SRSF4: variants seen among roughly 807,000 people sequenced by gnomAD.
SRSF4 encodes the protein serine and arginine rich splicing factor 4.
In SRSF4, 12 loss-of-function variants were observed where a neutral mutation model predicts 48.8. The ratio of observed to expected loss-of-function variants is 0.25; its 90% confidence interval spans 0.16 to 0.40. The LOEUF (loss-of-function observed/expected upper bound fraction) is 0.40, where lower values mean the gene tolerates loss of function less well. Ranked by LOEUF, SRSF4 falls within the 10% of genes least tolerant of loss-of-function variation. The pLI, the probability that SRSF4 is intolerant of heterozygous loss-of-function variation, is 1.00. For synonymous variants in SRSF4, 248 were observed against 232.5 expected (o/e 1.07, Z -0.61); for missense variants, 466 against 667.1 (o/e 0.70, Z 3.32).
chr1:29,150,444 A>G (rs1250752497), intron 4 of SRSF4, among the ~76,000 whole-genome samples: 1 of 152,044 alleles, frequency 6.6e-6, no homozygotes, highest in Non-Finnish European at 1.5e-5. Flanking sequence ...TTGTATTTTT[A>G]GTAGAGACGG....
In SRSF4 at chr1:29,158,850, G is replaced by A. The variant is rs935784110; in HGVS notation, c.363+524C>T. On this transcript the variant is annotated intron_variant, in intron 3 of 5. Transcript: ENST00000373795. ...AACAAAACAAAATCAGGCCGGGCGC[G>A]GTGGCTCACGCCTGTAATCCCAGCA... Among the ~76,000 whole-genome samples the A allele has an allele frequency of 3.3e-5, 5 of 151,888 alleles. 1 individual carries two copies. The highest frequency in any genetic ancestry group is 4.2e-4 in the South Asian group (2 of 4,796).
intron 1 of SRSF4, among the ~76,000 whole-genome samples, chr1:29,164,341 C>T (rs1400835339): frequency 1.3e-5 from 2 of 152,236 alleles, no homozygotes; most frequent in Non-Finnish European, 2.9e-5. Flanking sequence ...AAGTAAAGCT[C>T]TTCCTGGTAA....
At chr1:29,154,606 A>T in intron 4 of SRSF4, 90 bp downstream of exon 4, 1 of 1,249,408 alleles carries the variant, frequency 8.0e-7, no homozygotes, top group Non-Finnish European at 1.1e-6. Flanking sequence ...CATGTTATTA[A>T]GAACTCAACA....
chr1:29,181,832 C>CGGCGGCGGCGGCAACGGGCG lies in SRSF4; in HGVS notation c.-100_-81dup. ...GGGCAAAGCGAGAGCACGGCGGCAGCGGCGGCGGCGGCAACGGGCGGGCGG... is the reference window on the plus strand; with the variant it reads ...GGGCAAAGCGAGAGCACGGCGGCAGCGGCGGCGGCGGCAACGGGCGGGCGGCGGCGGCAACGGGCGGGCGG... On this transcript the variant is annotated 5_prime_UTR_variant, in exon 1 of 6. Coordinates refer to ENST00000373795, the MANE Select transcript of SRSF4 (RefSeq NM_005626.5). 3 of 1,171,538 alleles carry CGGCGGCGGCGGCAACGGGCG rather than the reference C, an allele frequency of 2.6e-6. No individual in the cohort carries two copies. Among genetic ancestry groups the CGGCGGCGGCGGCAACGGGCG allele is most frequent in the Non-Finnish European group, 3.3e-6 (3 of 900,286 alleles). The allele number at this position is 1,171,538 out of a possible 1,614,324, so 72.6% of individuals were successfully genotyped here.
intron 1 of SRSF4, chr1:29,170,698 T>G (rs1014075381): frequency 2.6e-5 from 4 of 152,212 alleles, no homozygotes; most frequent in Non-Finnish European, 5.9e-5. Flanking sequence ...CATGAAAACC[T>G]TTCCAAGTCC....
chr1:29,163,980 A>G (rs1339396916), intron 1 of SRSF4, among the ~76,000 whole-genome samples: 1 of 152,228 alleles, frequency 6.6e-6, no homozygotes, highest in African/African-American at 2.4e-5. Context: ...TTCGACTAAC[A>G]TCAAAAGCAT....
In SRSF4 at chr1:29,148,395, T is replaced by TGTGGCCATAGCCA; in HGVS notation, c.*2_*14dup. 11 of 1,572,872 alleles carry TGTGGCCATAGCCA rather than the reference T, an allele frequency of 7.0e-6. No homozygotes were observed. The highest frequency in any genetic ancestry group is 9.5e-6 in the Non-Finnish European group (11 of 1,159,448). ...AAAAGACTTCTCGGGTAGTTCCAGC[T>TGTGGCCATAGCCA]GTGGCCATAGCCAGTTAGGACCTTG... is the stretch of plus-strand genomic sequence containing the variant. On this transcript the variant is annotated 3_prime_UTR_variant, in exon 6 of 6. Coordinates refer to ENST00000373795, the MANE Select transcript of SRSF4 (RefSeq NM_005626.5).
intron 4 of SRSF4, among the ~76,000 whole-genome samples, chr1:29,151,489 T>G (rs1291248272): frequency 6.6e-6 from 1 of 151,730 alleles, no homozygotes; most frequent in Non-Finnish European, 1.5e-5. Context: ...AGAGCAAGAG[T>G]CCGTCTCAAA....
intron 1 of SRSF4, among the ~76,000 whole-genome samples, chr1:29,162,206 CAT>C (rs895634781): frequency 3.3e-5 from 5 of 152,146 alleles, no homozygotes; most frequent in African/African-American, 7.2e-5. Context: ...GTCTTTAAAA[CAT>C]AGTTTCACGC....
At chr1:29,167,804 C>T (rs1018312435) in intron 1 of SRSF4, among the ~76,000 whole-genome samples, 3 of 152,180 alleles carry the variant, frequency 2.0e-5, no homozygotes, top group African/African-American at 7.2e-5. Flanking sequence ...CAGTGCCTGG[C>T]ACAGTAAATA....
At position 29,165,456 on chromosome 1, in the gene SRSF4, T is replaced by C. The variant is rs1429942975; in HGVS notation, c.108-4939A>G. On this transcript the variant is annotated intron_variant, in intron 1 of 5. Transcript: ENST00000373795. ...CCACACTTCTTCAGGCAAGAATTAT[T>C]ATCTGAGTTTGTATCCTTGCTAAAT... is the stretch of plus-strand genomic sequence containing the variant. 3.3e-5 allele frequency among the ~76,000 whole-genome samples: 5 copies of C among 152,236 alleles called. No individual in the cohort carries two copies. In the East Asian group the frequency reaches 7.7e-4, roughly 23 times the overall value.
chr1:29,181,495 CCGCGCCCCCGA>C (rs1672956465), intron 1 of SRSF4, 140 bp downstream of exon 1: 1 of 608,600 alleles, frequency 1.6e-6, no homozygotes, highest in African/African-American at 2.0e-5. Context: ...CGGGGCCTAC[CCGCGCCCCCGA>C]GGCGCCGCCA....
intron 1 of SRSF4, chr1:29,171,423 T>C (rs1346588981): frequency 6.8e-6 from 1 of 147,802 alleles, no homozygotes; most frequent in Non-Finnish European, 1.5e-5. Flanking sequence ...GTATGGGAAT[T>C]TAAAAAATCT....
rs1672355153 is a variant in SRSF4 at position 29,148,911 on chromosome 1, G to A, written c.984C>T (p.Arg328=). The change falls in exon 6 of 6, where the codon CGC becomes CGT. Residue 328 remains arginine, a synonymous_variant. Transcript: ENST00000373795. ...SRGRSQEKSL[R]QSRSRSRSKG... is the part of the protein sequence containing the mutation. ...TGCTCCTGCTCCGGCTCCGACTCTG[G>A]CGGAGGCTCTTCTCCTGGCTCCTGC... The A allele has an allele frequency of 1.9e-6, 3 of 1,611,538 alleles. No individual in the cohort carries two copies. Among genetic ancestry groups the A allele is most frequent in the South Asian group, 1.1e-5 (1 of 91,002 alleles).
At chr1:29,180,690 C>A (rs567483260) in intron 1 of SRSF4, among the ~76,000 whole-genome samples, 47 of 152,298 alleles carry the variant, frequency 3.1e-4, no homozygotes, top group South Asian at 1.0e-3. Context: ...TATATCCATG[C>A]CTTCCAAGCC....
intron 1 of SRSF4, among the ~76,000 whole-genome samples, chr1:29,180,346 A>T (rs1035811182): frequency 3.3e-5 from 5 of 152,254 alleles, no homozygotes; most frequent in African/African-American, 1.2e-4. Context: ...GTTTTACTGT[A>T]GAAAAGGAGT....
intron 1 of SRSF4, among the ~76,000 whole-genome samples, chr1:29,167,752 C>T (rs561360853): frequency 6.6e-6 from 1 of 152,288 alleles, no homozygotes; most frequent in African/African-American, 2.4e-5. Flanking sequence ...ATGAGCTCTT[C>T]ACTAAGAAAA....
intron 3 of SRSF4, among the ~76,000 whole-genome samples, chr1:29,156,768 CA>C (rs1672506481): frequency 6.6e-6 from 1 of 152,128 alleles, no homozygotes; most frequent in South Asian, 2.1e-4. Context: ...GTAGGGTACC[CA>C]AAGTCTGGTG....
intron 1 of SRSF4, among the ~76,000 whole-genome samples, chr1:29,175,648 T>C (rs1460743225): frequency 1.6e-5 from 2 of 122,912 alleles, no homozygotes; most frequent in Middle Eastern, 5.4e-3. Flanking sequence ...TGAGCCGAGA[T>C]TGCGCCACTG....
Sources: gnomAD v4.1 joint callset for allele counts (sites outside exome capture counted in the v4.1 genomes callset) on GRCh38, gnomAD v4.1.1 for gene constraint, MANE v1.5 for transcripts, NCBI Gene and HGNC (gene_info 2026-07-23, HGNC 2026-07-21) for gene names.